The following FSTL5 variants were observed in gnomAD, a reference collection of about 807,000 sequenced individuals.
The protein encoded by FSTL5 is follistatin-related protein 5.
In FSTL5, 62 loss-of-function variants were observed where a neutral mutation model predicts 89.1. The observed-to-expected ratio is 0.70, with a 90% CI of 0.57 to 0.86. FSTL5 has a LOEUF of 0.86. FSTL5 is among the 40% of genes least tolerant of loss of function. The probability of loss-of-function intolerance (pLI) is 0.00; values close to 1 mark genes in which losing one functional copy is unlikely to be tolerated. For synonymous variants in FSTL5, 383 were observed against 346.2 expected (o/e 1.11, Z -1.18); for missense variants, 1,057 against 1,001.6 (o/e 1.06, Z -0.75).
intron 4 of FSTL5, among the ~76,000 whole-genome samples, chr4:161,866,509 G>GTGTGTGT (rs1349853375): frequency 2.5e-4 from 17 of 68,182 alleles, no homozygotes; most frequent in Non-Finnish European, 2.7e-4. Context: ...TGTGTGTGTG[G>GTGTGTGT]TTTCAATCTT....
At chr4:161,433,734 C>T (rs1201432952) in intron 15 of FSTL5, among the ~76,000 whole-genome samples, 1 of 151,938 alleles carries the variant, frequency 6.6e-6, no homozygotes, top group East Asian at 1.9e-4. Context: ...AGTCAACATA[C>T]AAAATCAGTA....
At chr4:161,584,676 A>G (rs764937986) in intron 8 of FSTL5, among the ~76,000 whole-genome samples, 3 of 152,124 alleles carry the variant, frequency 2.0e-5, no homozygotes, top group Middle Eastern at 3.2e-3. Context: ...TAGTTTTATT[A>G]CCAATACTTG....
chr4:161,552,266 A>AT (rs1180977700), intron 8 of FSTL5, among the ~76,000 whole-genome samples: 1 of 151,896 alleles, frequency 6.6e-6, no homozygotes, highest in Non-Finnish European at 1.5e-5. Flanking sequence ...CAGAATAGAT[A>AT]TTAATAACAA....
At chr4:161,607,931 G>GTGC (rs1237626567) in intron 7 of FSTL5, among the ~76,000 whole-genome samples, 1 of 152,116 alleles carries the variant, frequency 6.6e-6, no homozygotes, top group African/African-American at 2.4e-5. Flanking sequence ...TCTTAAAGAA[G>GTGC]TGTTGTTGTT....
intron 6 of FSTL5, among the ~76,000 whole-genome samples, chr4:161,705,989 T>C (rs1472077342): frequency 2.1e-5 from 2 of 93,574 alleles, no homozygotes; most frequent in Non-Finnish European, 4.2e-5. Context: ...TATATATATA[T>C]ATATATACAC....
chr4:161,942,685 GAAAAA>G (rs200912735), intron 3 of FSTL5, among the ~76,000 whole-genome samples: 1 of 151,654 alleles, frequency 6.6e-6, no homozygotes, highest in Non-Finnish European at 1.5e-5. Flanking sequence ...TTCCAGGGGG[GAAAAA>G]ACCCTGCAGA....
At chr4:161,510,912 G>A (rs1230188688) in intron 10 of FSTL5, among the ~76,000 whole-genome samples, 1 of 151,772 alleles carries the variant, frequency 6.6e-6, no homozygotes, top group Admixed American at 6.6e-5. Context: ...ACAACAAATT[G>A]GCCTATTTTT....
chr4:161,620,438 T>C (rs899981488), intron 7 of FSTL5, among the ~76,000 whole-genome samples: 7 of 152,306 alleles, frequency 4.6e-5, no homozygotes, highest in Admixed American at 2.6e-4. Flanking sequence ...GCAGGTCACC[T>C]GAGGTCGGCA....
chr4:162,050,939 TAGAGG>T (rs1194900708), intron 2 of FSTL5, among the ~76,000 whole-genome samples: 1 of 151,622 alleles, frequency 6.6e-6, no homozygotes, highest in Non-Finnish European at 1.5e-5. Flanking sequence ...ATATACATTG[TAGAGG>T]AGAGAAATAA....
At chr4:161,483,968 T>A (rs6828991) in intron 12 of FSTL5, among the ~76,000 whole-genome samples, 2,828 of 152,230 alleles carry the variant, frequency 0.019, 88 homozygotes, top group African/African-American at 0.064. Context: ...TTCTTTTGGA[T>A]CTTTTCCATA....
intron 6 of FSTL5, among the ~76,000 whole-genome samples, chr4:161,757,818 C>T (rs530874232): frequency 8.5e-4 from 130 of 152,084 alleles, no homozygotes; most frequent in African/African-American, 3.1e-3. Flanking sequence ...GGGGTTTCTC[C>T]ATGTTGTCCA....
chr4:162,145,904 A>T (rs1732955853), intron 1 of FSTL5, among the ~76,000 whole-genome samples: 1 of 152,108 alleles, frequency 6.6e-6, no homozygotes, highest in Non-Finnish European at 1.5e-5. Context: ...ACTTTTTTCT[A>T]AAAAAGTGAT....
At chr4:161,422,881 C>T (rs562748592) in intron 15 of FSTL5, among the ~76,000 whole-genome samples, 1 of 152,328 alleles carries the variant, frequency 6.6e-6, no homozygotes, top group South Asian at 2.1e-4. Context: ...AACCCAATCA[C>T]AGCTTCACTT....
At chr4:161,970,461 A>G (rs1370819156) in intron 3 of FSTL5, among the ~76,000 whole-genome samples, 1 of 152,126 alleles carries the variant, frequency 6.6e-6, no homozygotes, top group Non-Finnish European at 1.5e-5. Flanking sequence ...TTGAAATGCA[A>G]TACTGAGAAG....
chr4:161,528,898 C>T (rs938781975), intron 10 of FSTL5, among the ~76,000 whole-genome samples: 5 of 142,818 alleles, frequency 3.5e-5, no homozygotes, highest in African/African-American at 1.3e-4. Context: ...GTATACTCAG[C>T]ACTGTCACTA....
At chr4:161,995,638 A>T (rs1736269159) in intron 3 of FSTL5, among the ~76,000 whole-genome samples, 1 of 152,122 alleles carries the variant, frequency 6.6e-6, no homozygotes, top group South Asian at 2.1e-4. Flanking sequence ...TAGACACTGT[A>T]TCACATCGGA....
intron 3 of FSTL5, among the ~76,000 whole-genome samples, chr4:161,952,309 A>G (rs1199945605): frequency 6.6e-6 from 1 of 151,994 alleles, no homozygotes; most frequent in Non-Finnish European, 1.5e-5. Flanking sequence ...CAAGGGAACT[A>G]GGGATGAAAA....
intron 6 of FSTL5, among the ~76,000 whole-genome samples, chr4:161,684,009 A>G (rs1737617558): frequency 6.6e-6 from 1 of 152,178 alleles, no homozygotes; most frequent in East Asian, 1.9e-4. Context: ...TTGACTTTTC[A>G]TTCCGGAGTT....
intron 15 of FSTL5, among the ~76,000 whole-genome samples, chr4:161,389,854 C>A (rs1730762739): frequency 6.6e-6 from 1 of 152,040 alleles, no homozygotes. Context: ...TGTGGGACAA[C>A]AGATTATTAT....
Sources: gnomAD v4.1 joint callset for allele counts (sites outside exome capture counted in the v4.1 genomes callset) on GRCh38, gnomAD v4.1.1 for gene constraint, MANE v1.5 for transcripts, NCBI Gene and HGNC (gene_info 2026-07-23, HGNC 2026-07-21) for gene names.